The following TPD52 variants were observed in gnomAD, a reference collection of about 807,000 sequenced individuals.
TPD52 encodes the protein prostate and colon associated protein.
A neutral mutation model predicts 31.3 loss-of-function variants in TPD52; 17 were observed. That is an observed-to-expected ratio of 0.54 (90% CI 0.37 to 0.82). The LOEUF (loss-of-function observed/expected upper bound fraction) is 0.82. TPD52 is among the 40% of genes least tolerant of loss of function. The pLI is 0.00. For missense variants in TPD52, 212 were observed against 240.1 expected (o/e 0.88, Z 0.77); for synonymous variants, 83 against 89.6 (o/e 0.93, Z 0.42).
intron 1 of TPD52, among the ~76,000 whole-genome samples, chr8:80,100,218 C>A (rs1339384018): frequency 6.6e-6 from 1 of 152,154 alleles, no homozygotes; most frequent in Non-Finnish European, 1.5e-5. Flanking sequence ...CAAAGTGACA[C>A]ACAGAAACAA....
intron 1 of TPD52, among the ~76,000 whole-genome samples, chr8:80,076,059 A>C (rs1215438769): frequency 6.6e-6 from 1 of 152,240 alleles, no homozygotes; most frequent in Non-Finnish European, 1.5e-5. Context: ...CATTGCTCAT[A>C]ATTCCTTAAG....
At chr8:80,049,966 CA>C (rs896404690) in intron 5 of TPD52, among the ~76,000 whole-genome samples, 19 of 148,848 alleles carry the variant, frequency 1.3e-4, no homozygotes, top group African/African-American at 4.4e-4. Context: ...ACCACAACAA[CA>C]AAAAAAAAGG....
At chr8:80,094,430 TTATATATATATATATATATA>T (rs61266725) in intron 1 of TPD52, among the ~76,000 whole-genome samples, 2,209 of 53,686 alleles carry the variant, frequency 0.041, 81 homozygotes, top group African/African-American at 0.078. Context: ...AAAGAAAATT[TTATATATATATATATATATA>T]TATATATATA....
intron 1 of TPD52, among the ~76,000 whole-genome samples, chr8:80,154,734 C>T (rs1284307209): frequency 6.9e-6 from 1 of 145,068 alleles, no homozygotes; most frequent in East Asian, 2.0e-4. Context: ...CACACACACA[C>T]ACACACACAC....
chr8:80,070,192 G>T (rs1450015456), intron 1 of TPD52, among the ~76,000 whole-genome samples: 1 of 151,898 alleles, frequency 6.6e-6, no homozygotes, highest in Non-Finnish European at 1.5e-5. Flanking sequence ...CTCTCTGCTT[G>T]GGTGCAGCCC....
At chr8:80,105,346 G>C (rs995284662) in intron 1 of TPD52, among the ~76,000 whole-genome samples, 1 of 152,116 alleles carries the variant, frequency 6.6e-6, no homozygotes, top group Non-Finnish European at 1.5e-5. Flanking sequence ...TGACCTAATC[G>C]GTTATGTTAT....
intron 1 of TPD52, among the ~76,000 whole-genome samples, chr8:80,102,790 C>T (rs1382089511): frequency 1.3e-5 from 2 of 151,998 alleles, no homozygotes; most frequent in Non-Finnish European, 2.9e-5. Flanking sequence ...ATTAGAGGGC[C>T]GGAAATTTCA....
rs1809884014 is a variant in TPD52, at chr8:80,036,065, G to A, written c.*2051C>T. On this transcript the variant is annotated 3_prime_UTR_variant, in exon 8 of 8. Coordinates refer to ENST00000518937, the MANE Select transcript of TPD52 (RefSeq NM_001025253.3). ...TTGTTTCTTAGATTAAGTATAGGTA[G>A]ATGTCTAGAAAAGTGATTCTCCATT... The A allele has an allele frequency of 6.6e-6, 1 of 152,118 alleles. No individual in the cohort carries two copies. The highest frequency in any genetic ancestry group is 2.4e-5 in the African/African-American group (1 of 41,422). The allele number at this position is 152,118 out of a possible 1,614,324, so 9.4% of individuals were successfully genotyped here. A position where few individuals can be genotyped will look rare whatever the true frequency, so the allele number is the denominator to read the frequency against.
chr8:80,169,721 T>A (rs1431593211), intron 1 of TPD52, among the ~76,000 whole-genome samples: 1 of 152,144 alleles, frequency 6.6e-6, no homozygotes, highest in Non-Finnish European at 1.5e-5. Flanking sequence ...TGTCGTCATG[T>A]CTCCCCCGTC....
intron 3 of TPD52, among the ~76,000 whole-genome samples, chr8:80,052,170 AT>A (rs1811446877): frequency 6.6e-6 from 1 of 152,254 alleles, no homozygotes; most frequent in Admixed American, 6.5e-5. Flanking sequence ...AAATACGGAC[AT>A]GATGGACTTT....
intron 1 of TPD52, among the ~76,000 whole-genome samples, chr8:80,142,920 G>A (rs777274911): frequency 6.6e-6 from 1 of 152,186 alleles, no homozygotes; most frequent in Non-Finnish European, 1.5e-5. Context: ...ATGTAAGGAT[G>A]CACACACTCA....
intron 5 of TPD52, chr8:80,050,241 T>C: frequency 2.4e-6 from 1 of 424,528 alleles, no homozygotes; most frequent in Admixed American, 4.3e-5. Flanking sequence ...CAGTGTCAAA[T>C]ACTTCTTTTA....
At chr8:80,139,702 C>T (rs1048917335) in intron 1 of TPD52, among the ~76,000 whole-genome samples, 1 of 152,214 alleles carries the variant, frequency 6.6e-6, no homozygotes, top group African/African-American at 2.4e-5. Context: ...AACACTATAG[C>T]TAACAATACT....
In TPD52 at chr8:80,036,428, C is replaced by G. The variant is rs984910138; in HGVS notation, c.*1688G>C. 1.3e-5 allele frequency: 2 copies of G among 152,494 alleles called. No individual in the cohort carries two copies. Among genetic ancestry groups the G allele is most frequent in the Non-Finnish European group, 2.9e-5 (2 of 68,020 alleles). 9.4% of individuals were successfully genotyped at this position (152,494 alleles called of 1,614,324 possible). On this transcript the variant is annotated 3_prime_UTR_variant, in exon 8 of 8. Transcript: ENST00000518937. ...TGAGAAAATGCTTCAACAGCCTGTG[C>G]CTTAAAGCCCTTATTTAGAATATGT...
At chr8:80,068,876 T>A (rs940584574) in intron 1 of TPD52, among the ~76,000 whole-genome samples, 1 of 152,230 alleles carries the variant, frequency 6.6e-6, no homozygotes, top group African/African-American at 2.4e-5. Context: ...AGCCAGTCAT[T>A]GTGACATGGT....
In TPD52 at chr8:80,164,013, T is replaced by TGAGAGAGA. The variant is rs36124247; in HGVS notation, c.19+7404_19+7411dup. Among the ~76,000 whole-genome samples the TGAGAGAGA allele has an allele frequency of 2.1e-3, 257 of 123,622 alleles. 2 individuals are homozygous for TGAGAGAGA. The highest frequency in any genetic ancestry group is 4.3e-3 in the Middle Eastern group (1 of 232). 81.1% of individuals were successfully genotyped at this position (123,622 alleles called of 152,430 possible). ...AAAGAAACAGACCAAATTCTAACTG[T>TGAGAGAGA]GAGAGAGAGACAGAGAGAGAGAGAG... On this transcript the variant is annotated intron_variant, in intron 1 of 7. Transcript: ENST00000518937.
chr8:80,110,844 T>C (rs574350188), intron 1 of TPD52, among the ~76,000 whole-genome samples: 342 of 152,354 alleles, frequency 2.2e-3, no homozygotes, highest in Non-Finnish European at 4.1e-3. Context: ...GCTTCCCCTC[T>C]TGCCCCTCCT....
chr8:80,132,360 T>C (rs553002493), intron 1 of TPD52, among the ~76,000 whole-genome samples: 2 of 152,184 alleles, frequency 1.3e-5, no homozygotes, highest in African/African-American at 4.8e-5. Flanking sequence ...CCAGGACCTG[T>C]AGTCCCAGCT....
chr8:80,171,057 T>C (rs753669943), intron 1 of TPD52: 3 of 538,258 alleles, frequency 5.6e-6, no homozygotes, highest in Non-Finnish European at 1.0e-5. Context: ...CCTCTGTTCC[T>C]GGTTCCAGTC....
Sources: allele counts gnomAD v4.1 joint callset (sites outside exome capture counted in the v4.1 genomes callset), GRCh38; gene constraint gnomAD v4.1.1; transcripts MANE v1.5; gene names NCBI Gene and HGNC (gene_info 2026-07-23, HGNC 2026-07-21).